Variants in FAM222A observed in about 807,000 individuals in gnomAD.
FAM222A encodes the protein family with sequence similarity 222 member A.
Under a neutral mutation model 25.8 loss-of-function variants are expected in FAM222A, and 7 were observed. That is an observed-to-expected ratio of 0.27 (90% CI 0.15 to 0.51). The LOEUF is 0.51. FAM222A is among the 20% of genes least tolerant of loss of function. FAM222A has a pLI of 0.97. For synonymous variants in FAM222A, 294 were observed against 298.8 expected, an observed-to-expected ratio of 0.98 and a Z score of 0.17; for missense variants, 573 against 640.5, an observed-to-expected ratio of 0.89 and a Z score of 1.14.
intron 2 of FAM222A, among the ~76,000 whole-genome samples, chr12:109,752,127 C>G (rs1888578706): frequency 6.6e-6 from 1 of 152,234 alleles, no homozygotes; most frequent in African/African-American, 2.4e-5. Flanking sequence ...TGTCAAGACT[C>G]CCTGCCCTCT....
intron 1 of FAM222A, among the ~76,000 whole-genome samples, chr12:109,719,826 A>T (rs73407741): frequency 0.05 from 7,632 of 152,076 alleles, 368 homozygotes; most frequent in East Asian, 0.14. Context: ...CCTGAGGAAG[A>T]GGGAAGCCAG....
At chr12:109,764,554 A>G (rs1402807912) in intron 2 of FAM222A, among the ~76,000 whole-genome samples, 2 of 152,338 alleles carry the variant, frequency 1.3e-5, no homozygotes, top group East Asian at 1.9e-4. Flanking sequence ...GGTGAGGACA[A>G]ATGAGTTTTC....
chr12:109,730,989 C>T (rs889236031), intron 1 of FAM222A, among the ~76,000 whole-genome samples: 2 of 152,164 alleles, frequency 1.3e-5, no homozygotes, highest in African/African-American at 4.8e-5. Flanking sequence ...GCTTCATCCT[C>T]ACAACCGGCT....
chr12:109,732,080 C>T (rs1374047394), intron 1 of FAM222A, among the ~76,000 whole-genome samples: 2 of 152,104 alleles, frequency 1.3e-5, no homozygotes, highest in East Asian at 1.9e-4. Context: ...GTTTGTTACT[C>T]GGTGGTTGAG....
At chr12:109,723,175 G>A (rs1377512796) in intron 1 of FAM222A, among the ~76,000 whole-genome samples, 1 of 152,152 alleles carries the variant, frequency 6.6e-6, no homozygotes, top group Admixed American at 6.5e-5. Flanking sequence ...GATGGGAGGG[G>A]TGCAGGCCAC....
At chr12:109,761,347 A>G (rs968804646) in intron 2 of FAM222A, among the ~76,000 whole-genome samples, 1 of 152,176 alleles carries the variant, frequency 6.6e-6, no homozygotes, top group African/African-American at 2.4e-5. Flanking sequence ...GCAGCTGCCA[A>G]GGGCACTACC....
intron 1 of FAM222A, among the ~76,000 whole-genome samples, chr12:109,742,466 C>G (rs565062456): frequency 6.6e-6 from 1 of 152,188 alleles, no homozygotes; most frequent in Non-Finnish European, 1.5e-5. Flanking sequence ...ATTGTAATGG[C>G]CTATTTTAAA....
intron 1 of FAM222A, among the ~76,000 whole-genome samples, chr12:109,732,442 CGCCACCTGCCCG>C (rs1412302080): frequency 6.6e-6 from 1 of 152,254 alleles, no homozygotes; most frequent in East Asian, 1.9e-4. Context: ...GGCTCCTGGA[CGCCACCTGCCCG>C]GCCGCCTGCC....
At chr12:109,753,959 G>C (rs1888638199) in intron 2 of FAM222A, among the ~76,000 whole-genome samples, 1 of 152,250 alleles carries the variant, frequency 6.6e-6, no homozygotes, top group Non-Finnish European at 1.5e-5. Flanking sequence ...CCCTGCCGCA[G>C]GTACCAAGCC....
intron 2 of FAM222A, among the ~76,000 whole-genome samples, chr12:109,767,648 G>A (rs1340682197): frequency 1.3e-5 from 2 of 152,182 alleles, no homozygotes; most frequent in East Asian, 1.9e-4. Flanking sequence ...AGTACATACT[G>A]TAGAATTCCA....
At chr12:109,753,694 T>G (rs1888627540) in intron 2 of FAM222A, among the ~76,000 whole-genome samples, 3 of 151,852 alleles carry the variant, frequency 2.0e-5, no homozygotes, top group East Asian at 1.9e-4. Context: ...TCTTCCCCAA[T>G]TCCCAGCCTC....
rs888671773 is a variant in FAM222A at position 109,713,902 on chromosome 12, G to T, written c.-1042G>T. Among the ~76,000 whole-genome samples the T allele has an allele frequency of 4.8e-5, 7 of 146,978 alleles. No individual in the cohort carries two copies. The highest frequency in any genetic ancestry group is 2.7e-4 in the Admixed American group (4 of 14,856). On this transcript the variant is annotated 5_prime_UTR_variant, in exon 1 of 3. Transcript: ENST00000538780. ...GAGAGGCTGCGCGCGCCGGCCGGGG[G>T]AGGCGGACAGCCGGGCCCGGCGCCT...
intron 1 of FAM222A, among the ~76,000 whole-genome samples, chr12:109,736,116 G>T (rs541253942): frequency 8.5e-5 from 13 of 152,312 alleles, no homozygotes; most frequent in African/African-American, 3.1e-4. Flanking sequence ...AGGTTGGGGG[G>T]GTCCCTGCCT....
At chr12:109,738,267 A>T (rs1888140008) in intron 1 of FAM222A, among the ~76,000 whole-genome samples, 2 of 152,108 alleles carry the variant, frequency 1.3e-5, no homozygotes, top group South Asian at 4.2e-4. Context: ...GGACTTTCTG[A>T]GGCTTTCTAC....
At chr12:109,748,184 A>G (rs1716055401) in intron 2 of FAM222A, among the ~76,000 whole-genome samples, 1 of 152,158 alleles carries the variant, frequency 6.6e-6, no homozygotes, top group South Asian at 2.1e-4. Context: ...TTAATACTGA[A>G]CTTATTGAAC....
chr12:109,745,481 C>T (rs1253203958), intron 2 of FAM222A, among the ~76,000 whole-genome samples: 1 of 152,194 alleles, frequency 6.6e-6, no homozygotes, highest in Non-Finnish European at 1.5e-5. Context: ...AATACCGGGT[C>T]AAACGGATGT....
chr12:109,754,441 C>T (rs1888653316), intron 2 of FAM222A, among the ~76,000 whole-genome samples: 1 of 152,076 alleles, frequency 6.6e-6, no homozygotes, highest in Non-Finnish European at 1.5e-5. Flanking sequence ...CAAATGCAAC[C>T]GTACTCCTTG....
At chr12:109,734,746 C>A (rs1383885542) in intron 1 of FAM222A, 1 of 152,124 alleles carries the variant, frequency 6.6e-6, no homozygotes, top group Non-Finnish European at 1.5e-5. Context: ...GGGGGTTGAA[C>A]CCAGGTGGTC....
Position 109,744,111 on chromosome 12 carries a change from G to T in FAM222A, c.-36G>T. 1 of 1,604,886 alleles carries T rather than the reference G, an allele frequency of 6.2e-7. No individual in the cohort carries two copies. The highest frequency in any genetic ancestry group is 8.5e-7 in the Non-Finnish European group (1 of 1,176,590). On this transcript the variant is annotated 5_prime_UTR_variant, in exon 2 of 3. Transcript: ENST00000538780. Reference sequence around the variant, plus strand: ...ATCTTCCTCCTGCAGGGACCCAGTCGCAGAGCGCACCCCACTGGGGACCCC... The same window carrying T: ...ATCTTCCTCCTGCAGGGACCCAGTCTCAGAGCGCACCCCACTGGGGACCCC...
Sources: gnomAD v4.1 joint callset for allele counts (sites outside exome capture counted in the v4.1 genomes callset) on GRCh38, gnomAD v4.1.1 for gene constraint, MANE v1.5 for transcripts, NCBI Gene and HGNC (gene_info 2026-07-23, HGNC 2026-07-21) for gene names.